DIAPH2: variants seen among roughly 807,000 people sequenced by gnomAD.
DIAPH2 encodes the protein diaphanous related formin 2.
In DIAPH2, 35 loss-of-function variants were observed where a neutral mutation model predicts 92.7. That is an observed-to-expected ratio of 0.38 (90% confidence interval 0.29 to 0.50). The LOEUF is 0.50. DIAPH2 is among the 20% of genes least tolerant of loss of function. DIAPH2 has a pLI of 0.94. For missense variants in DIAPH2, 701 were observed against 819.5 expected (o/e 0.86, Z 1.77); for synonymous variants, 301 against 280.4 (o/e 1.07, Z -0.73).
chrX:97,357,110 T>C (rs2069275315), intron 24 of DIAPH2, among the ~76,000 whole-genome samples: 2 of 111,581 alleles, frequency 1.8e-5, no homozygotes, highest in Non-Finnish European at 3.8e-5. Flanking sequence ...TCCCTATAAA[T>C]AAGTTATTAT....
At chrX:97,509,824 A>C (rs1445613803) in intron 26 of DIAPH2, among the ~76,000 whole-genome samples, 16 of 110,145 alleles carry the variant, frequency 1.5e-4, no homozygotes, top group South Asian at 7.9e-4. Context: ...CATGTCCCTA[A>C]AAAGGACATG....
chrX:96,722,300 T>G (rs1320913157), intron 1 of DIAPH2, among the ~76,000 whole-genome samples: 2 of 109,561 alleles, frequency 1.8e-5, no homozygotes, highest in African/African-American at 6.7e-5. Context: ...GAGGTTGCAG[T>G]GAGTTGAGAT....
intron 17 of DIAPH2, among the ~76,000 whole-genome samples, chrX:96,998,734 G>A (rs2066121872): frequency 9.0e-6 from 1 of 111,480 alleles, no homozygotes; most frequent in Non-Finnish European, 1.9e-5. Context: ...AGAGAAGCAG[G>A]ATTAGAGATG....
At chrX:97,545,688 A>G (rs1382604187) in intron 26 of DIAPH2, among the ~76,000 whole-genome samples, 1 of 109,349 alleles carries the variant, frequency 9.1e-6, no homozygotes, top group Non-Finnish European at 1.9e-5. Context: ...CTATCATATT[A>G]AATTTCTCCC....
At position 97,515,478 on chromosome X, in the gene DIAPH2, G is replaced by A. The variant is rs188201183; in HGVS notation, c.3242-83775G>A. On this transcript the variant is annotated intron_variant, in intron 26 of 26. Transcript: ENST00000324765. ...GCAGAAATCACCTGTCTTCTGCGTC[G>A]CTCACGCTGGGAGCTGTAGACCAGA... is the stretch of plus-strand genomic sequence containing the variant. 5.8e-3 allele frequency among the ~76,000 whole-genome samples: 645 copies of A among 112,172 alleles called. 3 individuals carry two copies. Among genetic ancestry groups the A allele is most frequent in the African/African-American group, 0.02 (610 of 30,890 alleles).
At chrX:96,739,852 C>T (rs1319225167) in intron 3 of DIAPH2, among the ~76,000 whole-genome samples, 1 of 111,594 alleles carries the variant, frequency 9.0e-6, no homozygotes, top group Non-Finnish European at 1.9e-5. Context: ...TTCTTTAAAC[C>T]ATCTTTCAAC....
intron 23 of DIAPH2, among the ~76,000 whole-genome samples, chrX:97,340,200 C>A (rs1383158689): frequency 1.8e-5 from 2 of 111,641 alleles, no homozygotes; most frequent in Non-Finnish European, 3.8e-5. Flanking sequence ...CCAGTGCCTT[C>A]AGTAGTTTCT....
At chrX:97,370,218 C>T (rs2069432752) in intron 24 of DIAPH2, among the ~76,000 whole-genome samples, 1 of 111,672 alleles carries the variant, frequency 9.0e-6, no homozygotes, top group Admixed American at 9.5e-5. Context: ...CTTCCCTGCC[C>T]TCTTCTTCCT....
chrX:97,102,990 G>A (rs908473959), intron 20 of DIAPH2, among the ~76,000 whole-genome samples: 1 of 111,617 alleles, frequency 9.0e-6, no homozygotes, highest in African/African-American at 3.3e-5. Context: ...TAGTTTACTT[G>A]TCCAAGGTTA....
chrX:97,425,775 G>A lies in DIAPH2; in HGVS notation c.3146-3875G>A, dbSNP rs767989058. ...CAACCTCGGCAACAGAGGGAGACTC[G>A]GTCTCAAAAAAAAAAAAAAAATCAT... On this transcript the variant is annotated intron_variant, in intron 25 of 26. Coordinates refer to ENST00000324765, the MANE Select transcript of DIAPH2 (RefSeq NM_006729.5). Among the ~76,000 whole-genome samples the A allele has an allele frequency of 6.5e-3, 657 of 100,363 alleles. 10 individuals carry two copies. The highest frequency in any genetic ancestry group is 0.023 in the African/African-American group (627 of 26,789). 87.2% of individuals were successfully genotyped at this position (100,363 alleles called of 115,157 possible). A position where few individuals can be genotyped will look rare whatever the true frequency, so the allele number is the denominator to read the frequency against.
chrX:96,804,667 T>G (rs1331263418), intron 4 of DIAPH2, among the ~76,000 whole-genome samples: 2 of 111,881 alleles, frequency 1.8e-5, no homozygotes, highest in Non-Finnish European at 3.8e-5. Flanking sequence ...TGGAAAATAG[T>G]GCAAAAGTAG....
At chrX:97,021,385 T>A (rs922480242) in intron 17 of DIAPH2, among the ~76,000 whole-genome samples, 3 of 110,818 alleles carry the variant, frequency 2.7e-5, no homozygotes, top group African/African-American at 9.9e-5. Context: ...TTTTTATAGA[T>A]TTGGGTTTCA....
intron 26 of DIAPH2, among the ~76,000 whole-genome samples, chrX:97,492,293 G>A (rs1474445663): frequency 9.0e-6 from 1 of 110,759 alleles, no homozygotes; most frequent in African/African-American, 3.3e-5. Flanking sequence ...AAATTAGCCA[G>A]GCATGGTGGT....
intron 17 of DIAPH2, among the ~76,000 whole-genome samples, chrX:96,983,288 A>T (rs181707186): frequency 9.0e-6 from 1 of 111,019 alleles, no homozygotes; most frequent in South Asian, 3.8e-4. Context: ...AGGGGCTGGG[A>T]TAGAGTTTGT....
At chrX:97,531,526 G>A (rs1205936790) in intron 26 of DIAPH2, among the ~76,000 whole-genome samples, 1 of 111,435 alleles carries the variant, frequency 9.0e-6, no homozygotes, top group Non-Finnish European at 1.9e-5. Context: ...GCCTTTTAGA[G>A]GCCCATTCTG....
chrX:96,918,701 A>G, intron 9 of DIAPH2, 84 bp downstream of exon 9: 2 of 674,741 alleles, frequency 3.0e-6, no homozygotes, highest in Non-Finnish European at 4.4e-6. Context: ...TTTAGCTGGC[A>G]TTTAAGTAGT....
At chrX:97,407,830 GT>G in intron 25 of DIAPH2, among the ~76,000 whole-genome samples, 1 of 111,758 alleles carries the variant, frequency 8.9e-6, no homozygotes. Context: ...AATCATGGAA[GT>G]TTTTGAATTA....
At chrX:97,585,046 G>A (rs1277501041) in intron 26 of DIAPH2, among the ~76,000 whole-genome samples, 4 of 111,616 alleles carry the variant, frequency 3.6e-5, no homozygotes, top group African/African-American at 6.5e-5. Flanking sequence ...TTAGTACAGT[G>A]CACAATAATG....
intron 9 of DIAPH2, among the ~76,000 whole-genome samples, chrX:96,926,587 A>C (rs1569428312): frequency 9.0e-6 from 1 of 111,664 alleles, no homozygotes; most frequent in Non-Finnish European, 1.9e-5. Flanking sequence ...AAATTGTTAT[A>C]GTAAAGGAAG....
Sources: gnomAD v4.1 joint callset for allele counts (sites outside exome capture counted in the v4.1 genomes callset) on GRCh38, gnomAD v4.1.1 for gene constraint, MANE v1.5 for transcripts, NCBI Gene and HGNC (gene_info 2026-07-23, HGNC 2026-07-21) for gene names.